CDH18: variants seen among roughly 807,000 people sequenced by gnomAD.
CDH18 encodes cadherin-18.
A neutral mutation model predicts 67.9 loss-of-function variants in CDH18; 31 were observed. The ratio of observed to expected loss-of-function variants is 0.46; its 90% CI spans 0.34 to 0.62. The LOEUF (loss-of-function observed/expected upper bound fraction) is 0.62, where lower values mean the gene tolerates loss of function less well. Ranked by LOEUF, CDH18 falls within the 20% of genes least tolerant of loss-of-function variation. CDH18 has a pLI of 0.01. For missense variants in CDH18, 890 were observed against 975.5 expected (o/e 0.91, Z 1.17); for synonymous variants, 362 against 347.2 (o/e 1.04, Z -0.48).
chr5:20,143,333 G>C (rs1344063732), intron 2 of CDH18, among the ~76,000 whole-genome samples: 1 of 151,960 alleles, frequency 6.6e-6, no homozygotes, highest in Non-Finnish European at 1.5e-5. Context: ...TGGAAAAGTG[G>C]CATATTTAGA....
intron 1 of CDH18, among the ~76,000 whole-genome samples, chr5:20,560,917 C>T (rs976307884): frequency 4.0e-5 from 6 of 151,866 alleles, no homozygotes; most frequent in African/African-American, 1.5e-4. Flanking sequence ...TAAAAGTCAG[C>T]AGTAAGAAAA....
chr5:20,167,078 T>C (rs1470999794), intron 2 of CDH18, among the ~76,000 whole-genome samples: 2 of 152,160 alleles, frequency 1.3e-5, no homozygotes, highest in African/African-American at 4.8e-5. Flanking sequence ...ATCACACACA[T>C]AAAAATAAAA....
chr5:20,486,733 T>A (rs1753215330), intron 1 of CDH18, among the ~76,000 whole-genome samples: 2 of 150,018 alleles, frequency 1.3e-5, no homozygotes, highest in African/African-American at 2.4e-5. Context: ...GTGTGTGTGT[T>A]GTGTGTACTC....
chr5:20,221,178 C>A (rs542005177), intron 2 of CDH18, among the ~76,000 whole-genome samples: 1 of 152,192 alleles, frequency 6.6e-6, no homozygotes, highest in Non-Finnish European at 1.5e-5. Flanking sequence ...TATTTCAGCA[C>A]TATTCACAAT....
chr5:20,119,638 A>G (rs1397777321), intron 2 of CDH18, among the ~76,000 whole-genome samples: 1 of 152,224 alleles, frequency 6.6e-6, no homozygotes, highest in Middle Eastern at 3.2e-3. Flanking sequence ...AGGTTAATTT[A>G]CAGTAAGCCA....
intron 4 of CDH18, among the ~76,000 whole-genome samples, chr5:19,724,129 G>C (rs944683294): frequency 6.6e-6 from 1 of 152,152 alleles, no homozygotes; most frequent in Admixed American, 6.5e-5. Flanking sequence ...CCTTCAATGA[G>C]AGACTTGTTA....
intron 1 of CDH18, among the ~76,000 whole-genome samples, chr5:20,350,771 TG>T (rs928368024): frequency 6.6e-6 from 1 of 152,152 alleles, no homozygotes; most frequent in African/African-American, 2.4e-5. Context: ...GTTTAGAATT[TG>T]GAGAATAAAA....
chr5:19,656,230 G>C lies in CDH18; in HGVS notation c.644-43629C>G, dbSNP rs575032152. On this transcript the variant is annotated intron_variant, in intron 5 of 12. Transcript: ENST00000382275. ...GTATTTTAACTGGAATGACTGCCAGGATATCATATTCAATTTGATTTTACC... is the reference window on the plus strand; with the variant it reads ...GTATTTTAACTGGAATGACTGCCAGCATATCATATTCAATTTGATTTTACC... Among the ~76,000 whole-genome samples, 4 of 151,936 alleles carry C rather than the reference G, an allele frequency of 2.6e-5. No individual in the cohort carries two copies. The South Asian group carries it at 8.3e-4, about 32-fold the overall frequency.
intron 1 of CDH18, among the ~76,000 whole-genome samples, chr5:20,299,403 TACACACACACACACACACACACACACAC>T (rs56003449): frequency 7.2e-6 from 1 of 138,692 alleles, no homozygotes; most frequent in South Asian, 2.5e-4. Context: ...CAACATTAGC[TACACACACACACACACACACACACACAC>T]ACACACACAC....
chr5:20,174,698 G>T (rs552449441), intron 2 of CDH18, among the ~76,000 whole-genome samples: 104 of 152,094 alleles, frequency 6.8e-4, no homozygotes, highest in Non-Finnish European at 1.2e-3. Context: ...TACTTCCAAT[G>T]AAAAATACAA....
chr5:19,563,228 A>T (rs190035148), intron 8 of CDH18, among the ~76,000 whole-genome samples: 1 of 152,348 alleles, frequency 6.6e-6, no homozygotes, highest in East Asian at 1.9e-4. Flanking sequence ...GGCTACAAAA[A>T]GAAAGTTTTC....
intron 3 of CDH18, among the ~76,000 whole-genome samples, chr5:19,833,542 AACTTCCAAT>A (rs1781291941): frequency 6.6e-6 from 1 of 152,144 alleles, no homozygotes; most frequent in East Asian, 1.9e-4. Flanking sequence ...CCCTGGCCAG[AACTTCCAAT>A]ACTATTTTGA....
Position 19,520,692 on chromosome 5 carries a change from C to G in CDH18, c.1477G>C (p.Asp493His). 7 of 1,613,238 alleles carry G rather than the reference C, an allele frequency of 4.3e-6. No individual in the cohort carries two copies. The highest frequency in any genetic ancestry group is 5.9e-6 in the Non-Finnish European group (7 of 1,179,546). The change falls in exon 10 of 13, where the codon GAT becomes CAT. Residue 493 changes from aspartate to histidine, a missense_variant. Physicochemically the swap from Asp to His is moderately conservative, Grantham distance 81. This residue lies in a region of CDH18 where 656 missense variants were observed against 668.1 expected (regional missense o/e 0.98). Coordinates refer to ENST00000382275, the MANE Select transcript of CDH18 (RefSeq NM_004934.5). ...TTAGAATTTTCACATACAATAATAT[C>G]ATATTCCCTGGCAAGTTCGGGTGGA... ...DNPPELAREY[D>H]IIVCENSKPG... is the part of the protein sequence containing the mutation.
At chr5:19,973,109 A>G (rs78603583) in intron 2 of CDH18, among the ~76,000 whole-genome samples, 1 of 152,138 alleles carries the variant, frequency 6.6e-6, no homozygotes, top group Non-Finnish European at 1.5e-5. Context: ...AAATGCATAA[A>G]CAACTGATTA....
chr5:20,509,598 T>A (rs1261494964), intron 1 of CDH18, among the ~76,000 whole-genome samples: 1 of 3,320 alleles, frequency 3.0e-4, no homozygotes, highest in African/African-American at 6.8e-4. Context: ...GTTATTTTAT[T>A]TTTAATACAG....
chr5:20,339,835 A>G (rs982343935), intron 1 of CDH18, among the ~76,000 whole-genome samples: 28 of 152,214 alleles, frequency 1.8e-4, no homozygotes, highest in African/African-American at 6.8e-4. Flanking sequence ...TCTTGGAAAG[A>G]TTTTATGCAA....
intron 5 of CDH18, among the ~76,000 whole-genome samples, chr5:19,625,934 A>C (rs1458053339): frequency 6.6e-6 from 1 of 151,654 alleles, no homozygotes; most frequent in Non-Finnish European, 1.5e-5. Flanking sequence ...CTTCCTTTTC[A>C]CTCAATAAAG....
intron 2 of CDH18, among the ~76,000 whole-genome samples, chr5:20,210,757 T>C (rs1410460529): frequency 6.6e-6 from 1 of 152,030 alleles, no homozygotes; most frequent in Admixed American, 6.6e-5. Flanking sequence ...GGACATAGTT[T>C]ATTTCATTTC....
In CDH18 at chr5:19,730,151, T is replaced by C. The variant is rs72740803; in HGVS notation, c.524-8685A>G. Among the ~76,000 whole-genome samples, 1,432 of 152,290 alleles carry C rather than the reference T, an allele frequency of 9.4e-3. 8 individuals are homozygous for C. Among genetic ancestry groups the C allele is most frequent in the Non-Finnish European group, 0.014 (958 of 68,018 alleles). On this transcript the variant is annotated intron_variant, in intron 4 of 12. Coordinates refer to ENST00000382275, the MANE Select transcript of CDH18 (RefSeq NM_004934.5). ...TCCAGGTTCTGTGCTTAGGTAATAC[T>C]ACTACTCTCAGCCTTAAGGGAGCCA...
Sources: gnomAD v4.1 joint callset for allele counts (sites outside exome capture counted in the v4.1 genomes callset) on GRCh38, gnomAD v4.1.1 for gene constraint, gnomAD v4.1.1 regional missense constraint, MANE v1.5 for transcripts, NCBI Gene and HGNC (gene_info 2026-07-23, HGNC 2026-07-21) for gene names.